The following DDX24 variants were observed in gnomAD, a reference collection of about 807,000 sequenced individuals.
The protein encoded by DDX24 is DEAD-box helicase 24.
In DDX24, 24 loss-of-function variants were observed where a neutral mutation model predicts 68.9. The ratio of observed to expected loss-of-function variants is 0.35; its 90% CI spans 0.25 to 0.49. DDX24 has a LOEUF of 0.49. Ranked by LOEUF, DDX24 falls within the 20% of genes least tolerant of loss-of-function variation. The probability of loss-of-function intolerance (pLI) is 0.99; values close to 1 mark genes in which losing one functional copy is unlikely to be tolerated. For synonymous variants in DDX24, 395 were observed against 385.2 expected, an observed-to-expected ratio of 1.03 and a Z score of -0.30; for missense variants, 989 against 1,039.0, an observed-to-expected ratio of 0.95 and a Z score of 0.66.
intron 1 of DDX24, among the ~76,000 whole-genome samples, chr14:94,080,610 G>A (rs1886055349): frequency 6.6e-6 from 1 of 151,834 alleles, no homozygotes; most frequent in Non-Finnish European, 1.5e-5. Context: ...AAAAAGTGAC[G>A]CACGTCAAAA....
chr14:94,078,894 TA>T, intron 2 of DDX24, 130 bp downstream of exon 2: 1 of 1,026,800 alleles, frequency 9.7e-7, no homozygotes, highest in Non-Finnish European at 1.4e-6. Context: ...GGCTGACTTC[TA>T]AACACCTTTA....
At chr14:94,079,774 G>C (rs1322178303) in intron 1 of DDX24, 27 bp from the exon 2 acceptor site, 4 of 1,594,382 alleles carry the variant, frequency 2.5e-6, no homozygotes, top group African/African-American at 2.7e-5. Flanking sequence ...TGTTCTATTA[G>C]GTTGGTGTCT....
chr14:94,050,975 A>G lies in DDX24; in HGVS notation c.*216T>C, dbSNP rs936632293. On this transcript the variant is annotated 3_prime_UTR_variant, in exon 9 of 9. Transcript: ENST00000621632. ...CAAGTTTAACACACAAGAAGCCTAT[A>G]AACACTGCAATACAGAAAAATTAAG... 1 of 435,594 alleles carries G rather than the reference A, an allele frequency of 2.3e-6. No homozygotes were observed. Among genetic ancestry groups the G allele is most frequent in the Non-Finnish European group, 4.0e-6 (1 of 252,558 alleles). The allele number at this position is 435,594 out of a possible 1,614,324, so 27.0% of individuals were successfully genotyped here. A position where few individuals can be genotyped will look rare whatever the true frequency, so the allele number is the denominator to read the frequency against.
chr14:94,070,700 A>T (rs1322395782), intron 2 of DDX24, among the ~76,000 whole-genome samples: 2 of 152,210 alleles, frequency 1.3e-5, no homozygotes, highest in Admixed American at 1.3e-4. Context: ...CCCAGAAATA[A>T]ACCCAAATAC....
intron 2 of DDX24, among the ~76,000 whole-genome samples, chr14:94,071,139 T>C (rs1298895989): frequency 3.9e-5 from 6 of 152,086 alleles, no homozygotes; most frequent in South Asian, 4.1e-4. Context: ...ATCCAGAATC[T>C]ACAGCAAACT....
chr14:94,053,567 C>T (rs1016477242), intron 7 of DDX24, among the ~76,000 whole-genome samples: 2 of 151,912 alleles, frequency 1.3e-5, no homozygotes, highest in African/African-American at 4.8e-5. Flanking sequence ...GTAATCCTAG[C>T]ACTCTGGGAG....
intron 2 of DDX24, among the ~76,000 whole-genome samples, chr14:94,068,879 T>G (rs1885763276): frequency 6.6e-6 from 1 of 152,040 alleles, no homozygotes; most frequent in South Asian, 2.1e-4. Flanking sequence ...AAGAGGAAAG[T>G]TCATAGCCCT....
At chr14:94,059,713 T>C (rs1885556053) in intron 5 of DDX24, among the ~76,000 whole-genome samples, 1 of 152,218 alleles carries the variant, frequency 6.6e-6, no homozygotes, top group African/African-American at 2.4e-5. Flanking sequence ...TAGGATTTGA[T>C]TTCAGGCATT....
In DDX24 at chr14:94,051,236, C is replaced by T. The variant is rs1885381283; in HGVS notation, c.2535G>A (p.Lys845=). 2 of 1,589,684 alleles carry T rather than the reference C, an allele frequency of 1.3e-6. No homozygotes were observed. Among genetic ancestry groups the T allele is most frequent in the Admixed American group, 3.6e-5 (2 of 55,150 alleles). The change falls in exon 9 of 9, where the codon AAG becomes AAA. Residue 845 remains lysine, a synonymous_variant. Transcript: ENST00000621632. ...GCTGTGGCTGTTCCGGCTGTGGCTC[C>T]TTCGGCTTCTTTGTCTTCTTCTTCT... ...KQKKKKTKKP[K]EPQPEQPQPS...
chr14:94,068,034 G>T (rs115857606), intron 2 of DDX24, among the ~76,000 whole-genome samples: 26 of 152,162 alleles, frequency 1.7e-4, no homozygotes, highest in Non-Finnish European at 3.2e-4. Context: ...AATGGAAATG[G>T]TCTAAATGCT....
chr14:94,066,818 CA>C (rs1334415696), intron 2 of DDX24, among the ~76,000 whole-genome samples: 1 of 152,186 alleles, frequency 6.6e-6, no homozygotes. Flanking sequence ...CTCCATGAGA[CA>C]AAAGAATCTG....
chr14:94,051,060 T>C lies in DDX24; in HGVS notation c.*131A>G. 1 of 1,063,072 alleles carries C rather than the reference T, an allele frequency of 9.4e-7. No individual in the cohort carries two copies. Among genetic ancestry groups the C allele is most frequent in the Non-Finnish European group, 1.3e-6 (1 of 754,070 alleles). The allele number at this position is 1,063,072 out of a possible 1,614,324, so 65.9% of individuals were successfully genotyped here. On this transcript the variant is annotated 3_prime_UTR_variant, in exon 9 of 9. Coordinates refer to ENST00000621632, the MANE Select transcript of DDX24 (RefSeq NM_020414.4). ...AATCTGCATGAGGTCTCTCCCGCTA[T>C]GGGTGTGAGTGGAAGAGAGGGAGAC...
At chr14:94,051,740 G>C (rs911476774) in intron 8 of DDX24, 1 of 349,948 alleles carries the variant, frequency 2.9e-6, no homozygotes, top group East Asian at 4.4e-5. Context: ...CAGGGTTAGA[G>C]AAGTCACCTG....
At chr14:94,061,777 C>A (rs1339606753) in intron 3 of DDX24, among the ~76,000 whole-genome samples, 3 of 152,116 alleles carry the variant, frequency 2.0e-5, no homozygotes, top group African/African-American at 7.2e-5. Flanking sequence ...CAAAACCAAC[C>A]ACAGACAATA....
intron 5 of DDX24, among the ~76,000 whole-genome samples, chr14:94,059,465 T>C (rs1034781037): frequency 1.1e-4 from 16 of 152,210 alleles, no homozygotes; most frequent in African/African-American, 3.9e-4. Context: ...CATTTTTCCA[T>C]CTATAAATGA....
rs1885465593 is a variant in DDX24, at chr14:94,055,064, T to C, written c.2110A>G (p.Lys704Glu). Residue 704 changes from lysine to glutamate, a missense_variant, in exon 7 of 9, where the codon AAA becomes GAA. By Grantham distance (56) the Lys-to-Glu change is moderately conservative. This residue lies in a region of DDX24 where 691 missense variants were observed against 760.0 expected (regional missense o/e 0.91). Coordinates refer to ENST00000621632, the MANE Select transcript of DDX24 (RefSeq NM_020414.4). ...EDVINFKKIY[K>E]TLKKDEDIPL... ...ATATCCTCATCTTTCTTGAGCGTTT[T>C]GTAAATCTTCTTAAAGTTGATCACA... 1 of 1,614,228 alleles carries C rather than the reference T, an allele frequency of 6.2e-7. No homozygotes were observed. Among genetic ancestry groups the C allele is most frequent in the Non-Finnish European group, 8.5e-7 (1 of 1,180,022 alleles).
At chr14:94,066,633 G>C (rs986819454) in intron 2 of DDX24, among the ~76,000 whole-genome samples, 1 of 152,208 alleles carries the variant, frequency 6.6e-6, no homozygotes, top group African/African-American at 2.4e-5. Flanking sequence ...CCGTGGCTGA[G>C]AGCCCCATAG....
In DDX24 at chr14:94,060,609, G is replaced by C. The variant is rs547311838; in HGVS notation, c.1402C>G (p.Leu468Val). 1.7e-5 allele frequency: 28 copies of C among 1,612,524 alleles called. No individual in the cohort carries two copies. In the South Asian group the frequency reaches 2.9e-4, roughly 16 times the overall value. Residue 468 changes from leucine to valine, a missense_variant, in exon 5 of 9, where the codon CTG becomes GTG. Transcript: ENST00000621632. ...HLRNLRQLRC[L>V]VVDEADRMVE... ...ATCCGGTCAGCCTCATCCACTACCA[G>C]GCACCTGCAGATCCAGAGAGACCCA... is the stretch of plus-strand genomic sequence containing the variant.
At chr14:94,066,871 T>C (rs1391039208) in intron 2 of DDX24, among the ~76,000 whole-genome samples, 1 of 152,110 alleles carries the variant, frequency 6.6e-6, no homozygotes, top group Non-Finnish European at 1.5e-5. Context: ...TGAAACAGCC[T>C]ACCCAAATGA....
Sources: gnomAD v4.1 joint callset for allele counts (sites outside exome capture counted in the v4.1 genomes callset) on GRCh38, gnomAD v4.1.1 for gene constraint, gnomAD v4.1.1 regional missense constraint, MANE v1.5 for transcripts, NCBI Gene and HGNC (gene_info 2026-07-23, HGNC 2026-07-21) for gene names.